DNAH17: variants seen among roughly 807,000 people sequenced by gnomAD.
DNAH17 encodes axonemal beta dynein heavy chain 17.
DNAH17 carries 376 observed loss-of-function variants against 485.6 expected under a neutral mutation model. The ratio of observed to expected loss-of-function variants is 0.77; its 90% CI spans 0.71 to 0.84. The LOEUF (loss-of-function observed/expected upper bound fraction) is 0.84. Among genes scored for constraint, DNAH17 ranks in the 40% least tolerant of loss-of-function variants. The probability of loss-of-function intolerance (pLI) is 0.00; values close to 1 mark genes in which losing one functional copy is unlikely to be tolerated. For synonymous variants in DNAH17, 3,031 were observed against 2,405.9 expected (o/e 1.26, Z -7.60); for missense variants, 6,370 against 5,839.3 (o/e 1.09, Z -2.96).
chr17:78,501,498 G>T, intron 34 of DNAH17, 154 bp from the exon 35 acceptor site: 2 of 1,030,466 alleles, frequency 1.9e-6, no homozygotes, highest in Non-Finnish European at 2.7e-6. Flanking sequence ...CAACTGTATG[G>T]CCACCCTCAG....
intron 14 of DNAH17, among the ~76,000 whole-genome samples, chr17:78,555,606 C>T (rs1022880288): frequency 6.8e-6 from 1 of 146,266 alleles, no homozygotes; most frequent in Admixed American, 6.8e-5. Flanking sequence ...AGTGTGATGA[C>T]GGAAGCACAA....
At position 78,441,211 on chromosome 17, in the gene DNAH17, G is replaced by T. The variant is rs769999329; in HGVS notation, c.11529-12C>A. 7.4e-6 allele frequency: 12 copies of T among 1,613,406 alleles called. No individual in the cohort carries two copies. The highest frequency in any genetic ancestry group is 1.0e-5 in the Non-Finnish European group (12 of 1,179,774). On this transcript the variant is annotated splice_polypyrimidine_tract_variant and intron_variant, in intron 71 of 80. Transcript: ENST00000389840. The stretch of plus-strand genomic sequence containing the variant: ...CCTCCACGAAGTTCCTAGGGGTGGA[G>T]TGCATCAGAGGCAGCGGAACCTGAG...
intron 71 of DNAH17, among the ~76,000 whole-genome samples, 190 bp downstream of exon 71, chr17:78,444,414 T>C (rs2087194279): frequency 6.6e-6 from 1 of 152,216 alleles, no homozygotes; most frequent in African/African-American, 2.4e-5. Flanking sequence ...ATCCTGCCTC[T>C]GTCCTCGAAG....
Position 78,532,652 on chromosome 17 carries a change from C to T in DNAH17, c.2944G>A (p.Glu982Lys), listed in dbSNP as rs1329171670. 6 of 1,596,290 alleles carry T rather than the reference C, an allele frequency of 3.8e-6. No homozygotes were observed. The highest frequency in any genetic ancestry group is 5.1e-6 in the Non-Finnish European group (6 of 1,170,674). Reference protein sequence around the residue: ...LVINAMKEAEEYQDSFERYSY... With the variant: ...LVINAMKEAEKYQDSFERYSY... Reference sequence around the variant, plus strand: ...TACCTCTCAAAGGAATCCTGGTACTCCTCGGCCTCCTTCATGGCATTGATG... The same window carrying T: ...TACCTCTCAAAGGAATCCTGGTACTTCTCGGCCTCCTTCATGGCATTGATG... The change falls in exon 20 of 81, where the codon GAG (glutamate) becomes AAG (lysine). Residue 982 changes from glutamate (E) to lysine (K), a missense_variant. Transcript: ENST00000389840.
intron 18 of DNAH17, among the ~76,000 whole-genome samples, chr17:78,538,910 C>T (rs2091450029): frequency 6.6e-6 from 1 of 152,150 alleles, no homozygotes; most frequent in African/African-American, 2.4e-5. Flanking sequence ...CCTGGCGGTA[C>T]TCAAAATCAT....
Position 78,485,256 on chromosome 17 carries a change from C to T in DNAH17, c.7484-223G>A, listed in dbSNP as rs1235025405. On this transcript the variant is annotated intron_variant, in intron 47 of 80. Coordinates refer to ENST00000389840, the MANE Select transcript of DNAH17 (RefSeq NM_173628.4). The stretch of plus-strand genomic sequence containing the variant: ...AGGCGAGGGTGGCAGGAACCTTGCT[C>T]TCCGTCACCTTTGGGTCGCCTTAGA... 5.9e-5 allele frequency: 38 copies of T among 648,650 alleles called. No homozygotes were observed. The Admixed American group carries it at 1.2e-3, about 20-fold the overall frequency. 40.2% of individuals were successfully genotyped at this position (648,650 alleles called of 1,614,324 possible).
chr17:78,503,011 C>A lies in DNAH17; in HGVS notation c.4957G>T (p.Val1653Leu). ...AGCACTCGATTCAGCCACACTTCCACCTGGGGACGGGAGCCACGGTGACCA... is the reference window on the plus strand; with the variant it reads ...AGCACTCGATTCAGCCACACTTCCAACTGGGGACGGGAGCCACGGTGACCA... ...FDQECDLSGQ[V>L]EVWLNRVLDR... Residue 1653 changes from valine to leucine, a missense_variant and splice_region_variant, in exon 32 of 81, where the codon GTG (valine) becomes TTG (leucine). Transcript: ENST00000389840. 1 of 1,613,208 alleles carries A rather than the reference C, an allele frequency of 6.2e-7. No individual in the cohort carries two copies.
At chr17:78,560,465 C>T (rs559080983) in intron 13 of DNAH17, among the ~76,000 whole-genome samples, 3 of 146,690 alleles carry the variant, frequency 2.0e-5, no homozygotes, top group East Asian at 2.3e-4. Context: ...TATCTAGATT[C>T]GGCAAAGACT....
chr17:78,460,594 G>A (rs1401807641), intron 58 of DNAH17, among the ~76,000 whole-genome samples: 2 of 152,158 alleles, frequency 1.3e-5, no homozygotes, highest in East Asian at 1.9e-4. Flanking sequence ...CTTGGCCCCT[G>A]TCTGGAGCCC....
chr17:78,551,311 G>A (rs781025270), intron 16 of DNAH17, among the ~76,000 whole-genome samples: 2 of 152,228 alleles, frequency 1.3e-5, no homozygotes, highest in African/African-American at 4.8e-5. Flanking sequence ...GGGGCCTTGT[G>A]GAGCTCAGCA....
intron 17 of DNAH17, among the ~76,000 whole-genome samples, chr17:78,542,448 G>A (rs28405813): frequency 0.77 from 116,426 of 152,152 alleles, 44,613 homozygotes; most frequent in African/African-American, 0.78. Context: ...ACGCCCAGCC[G>A]TTATTTGAGC....
At chr17:78,428,816 G>C (rs964918326) in intron 76 of DNAH17, 109 bp from the exon 77 acceptor site, 2 of 1,324,914 alleles carry the variant, frequency 1.5e-6, no homozygotes, top group African/African-American at 1.5e-5. Context: ...CTTGCTGTCT[G>C]TACAGATCCC....
intron 12 of DNAH17, among the ~76,000 whole-genome samples, chr17:78,561,284 C>T (rs781073566): frequency 1.4e-4 from 21 of 151,826 alleles, no homozygotes; most frequent in Non-Finnish European, 2.8e-4. Flanking sequence ...CAAACAACCA[C>T]ATAAAAGGCC....
intron 50 of DNAH17, 45 bp downstream of exon 50, chr17:78,479,440 C>T (rs753575609): frequency 4.3e-5 from 67 of 1,561,906 alleles, no homozygotes; most frequent in Non-Finnish European, 1.7e-6. Flanking sequence ...CCCACAGAGC[C>T]ATAGGTTTTA....
At chr17:78,534,210 C>G (rs974395958) in intron 19 of DNAH17, among the ~76,000 whole-genome samples, 1 of 152,230 alleles carries the variant, frequency 6.6e-6, no homozygotes, top group Non-Finnish European at 1.5e-5. Context: ...CAACTGAAGA[C>G]AGCCTATAGC....
chr17:78,547,808 G>A (rs541078162), intron 16 of DNAH17, among the ~76,000 whole-genome samples: 1 of 152,256 alleles, frequency 6.6e-6, no homozygotes, highest in Non-Finnish European at 1.5e-5. Context: ...AGTAGAGACA[G>A]GGTTTCGCCA....
At chr17:78,505,196 T>C in intron 31 of DNAH17, 97 bp downstream of exon 31, 1 of 1,508,926 alleles carries the variant, frequency 6.6e-7, no homozygotes, top group Non-Finnish European at 9.0e-7. Context: ...CTGCACAGGG[T>C]GCTGGTTCTC....
At chr17:78,509,490 A>T (rs749119630) in intron 27 of DNAH17, among the ~76,000 whole-genome samples, 1 of 152,154 alleles carries the variant, frequency 6.6e-6, no homozygotes. Context: ...GGCGAACTGT[A>T]TGGTATGTGA....
At chr17:78,569,898 A>G (rs2092325854) in intron 7 of DNAH17, among the ~76,000 whole-genome samples, 1 of 152,110 alleles carries the variant, frequency 6.6e-6, no homozygotes, top group Non-Finnish European at 1.5e-5. Flanking sequence ...GTGCTTATGA[A>G]TGGGAAGAAG....
Sources: gnomAD v4.1 joint callset for allele counts (sites outside exome capture counted in the v4.1 genomes callset) on GRCh38, gnomAD v4.1.1 for gene constraint, MANE v1.5 for transcripts, NCBI Gene and HGNC (gene_info 2026-07-23, HGNC 2026-07-21) for gene names.